SASH1: variants seen among roughly 807,000 people sequenced by gnomAD.
The protein encoded by SASH1 is SAM and SH3 domain containing 1.
Under a neutral mutation model 125.2 loss-of-function variants are expected in SASH1, and 44 were observed. The observed-to-expected ratio is 0.35, with a 90% CI of 0.28 to 0.45. SASH1 has a LOEUF of 0.45. SASH1 is among the 20% of genes least tolerant of loss of function. SASH1 has a pLI of 1.00. For missense variants in SASH1, 1,426 were observed against 1,614.5 expected (o/e 0.88, Z 2.00); for synonymous variants, 639 against 649.1 (o/e 0.98, Z 0.24).
At chr6:148,242,284 C>T in the SASH1 span, among the ~76,000 whole-genome samples, 34 of 152,120 alleles carry the variant, frequency 2.2e-4, no homozygotes, top group Non-Finnish European at 4.4e-4. Context: ...AATATGTGAA[C>T]GACTTCTCCA....
At chr6:148,205,107 A>G in the SASH1 span, among the ~76,000 whole-genome samples, 1 of 152,158 alleles carries the variant, frequency 6.6e-6, no homozygotes, top group African/African-American at 2.4e-5. Flanking sequence ...TCAGATGTCT[A>G]TTGGTCAGTC....
chr6:148,261,828 T>TAAG, the SASH1 span, among the ~76,000 whole-genome samples: 1 of 152,128 alleles, frequency 6.6e-6, no homozygotes, highest in East Asian at 1.9e-4. Flanking sequence ...GGCATGGGAA[T>TAAG]AAGAGAAAGG....
the SASH1 span, among the ~76,000 whole-genome samples, chr6:148,229,127 C>CCATCTCAA: frequency 1.7e-3 from 158 of 93,412 alleles, no homozygotes; most frequent in Non-Finnish European, 2.5e-3. Flanking sequence ...CAGCAAGACT[C>CCATCTCAA]CATCTCAAAA....
chr6:148,511,774 A>T (rs1179155354), intron 8 of SASH1, among the ~76,000 whole-genome samples: 2 of 152,144 alleles, frequency 1.3e-5, no homozygotes, highest in African/African-American at 4.8e-5. Flanking sequence ...AGTTCACTCT[A>T]GTACATATAA....
intron 1 of SASH1, among the ~76,000 whole-genome samples, chr6:148,310,641 G>A (rs762129408): frequency 6.6e-6 from 1 of 152,032 alleles, no homozygotes; most frequent in South Asian, 2.1e-4. Flanking sequence ...TTTGATAAAG[G>A]ACTTGTATCC....
Position 148,342,878 on chromosome 6 carries a change from A to G in SASH1, c.-190A>G, listed in dbSNP as rs1177110323. 1 of 271,090 alleles carries G rather than the reference A, an allele frequency of 3.7e-6. No individual in the cohort carries two copies. Among genetic ancestry groups the G allele is most frequent in the Non-Finnish European group, 5.7e-6 (1 of 176,904 alleles). The allele number at this position is 271,090 out of a possible 1,614,324, so 16.8% of individuals were successfully genotyped here. A position where few individuals can be genotyped will look rare whatever the true frequency, so the allele number is the denominator to read the frequency against. ...GTTGTCAGTCGCGCAGCCCGTGGCCACCTAGACCCGAGGTGCGGGCGCCTG... is the reference window on the plus strand; with the variant it reads ...GTTGTCAGTCGCGCAGCCCGTGGCCGCCTAGACCCGAGGTGCGGGCGCCTG... On this transcript the variant is annotated 5_prime_UTR_variant, in exon 1 of 20. Transcript: ENST00000367467.
At chr6:148,204,529 T>C in the SASH1 span, among the ~76,000 whole-genome samples, 3 of 152,006 alleles carry the variant, frequency 2.0e-5, no homozygotes, top group East Asian at 1.9e-4. Flanking sequence ...CCATTTCTAC[T>C]AAAAATACAA....
intron 12 of SASH1, among the ~76,000 whole-genome samples, chr6:148,530,022 G>C (rs757327049): frequency 2.6e-5 from 4 of 152,172 alleles, no homozygotes; most frequent in African/African-American, 9.6e-5. Context: ...GGCCAGGCTG[G>C]TCTCGAACTC....
At chr6:148,198,638 G>A in the SASH1 span, among the ~76,000 whole-genome samples, 2 of 152,238 alleles carry the variant, frequency 1.3e-5, no homozygotes, top group African/African-American at 4.8e-5. Context: ...GATGTTGTAT[G>A]TTTAGACTGA....
intron 4 of SASH1, among the ~76,000 whole-genome samples, chr6:148,454,669 T>C (rs1036951478): frequency 1.3e-5 from 2 of 152,176 alleles, no homozygotes; most frequent in African/African-American, 4.8e-5. Flanking sequence ...TTCCTGGTGA[T>C]GGGCTTTGTA....
intron 4 of SASH1, among the ~76,000 whole-genome samples, chr6:148,456,005 A>T (rs980593979): frequency 3.9e-5 from 6 of 152,112 alleles, no homozygotes; most frequent in Non-Finnish European, 7.4e-5. Context: ...ACATCCCTCC[A>T]GGGTCCTCTG....
chr6:148,326,325 T>TATATATATATATATATATATATATATGC (rs1780799310), intron 1 of SASH1, among the ~76,000 whole-genome samples: 1 of 57,212 alleles, frequency 1.7e-5, no homozygotes, highest in East Asian at 6.8e-4. Context: ...ACCGCATGCA[T>TATATATATATATATATATATATATATGC]ATATATATAT....
chr6:148,230,616 T>C, the SASH1 span, among the ~76,000 whole-genome samples: 35 of 152,242 alleles, frequency 2.3e-4, 1 homozygote, highest in African/African-American at 8.0e-4. Context: ...CCCTTTTACA[T>C]CCTCACCAGC....
the SASH1 span, among the ~76,000 whole-genome samples, chr6:148,217,342 A>C: frequency 6.6e-6 from 1 of 152,210 alleles, no homozygotes. Flanking sequence ...AAAAATCTTG[A>C]TAGGAATATT....
At chr6:148,460,759 C>G (rs113362722) in intron 4 of SASH1, among the ~76,000 whole-genome samples, 1 of 152,094 alleles carries the variant, frequency 6.6e-6, no homozygotes, top group South Asian at 2.1e-4. Context: ...ATTTTGATGT[C>G]ATGCTTAATC....
At chr6:148,342,403 G>T (rs1013938535), upstream of SASH1, among the ~76,000 whole-genome samples, 2 of 152,158 alleles carry the variant, frequency 1.3e-5, no homozygotes, top group African/African-American at 4.8e-5. Flanking sequence ...TACCAAAAGC[G>T]TTTCCGTGAA....
At chr6:148,261,316 T>C in the SASH1 span, among the ~76,000 whole-genome samples, 36 of 152,272 alleles carry the variant, frequency 2.4e-4, no homozygotes, top group African/African-American at 7.9e-4. Flanking sequence ...CGGAATTGTG[T>C]CGCTTTGACT....
At chr6:148,268,703 T>C (rs1296603611), upstream of SASH1, among the ~76,000 whole-genome samples, 3 of 152,234 alleles carry the variant, frequency 2.0e-5, no homozygotes, top group East Asian at 5.8e-4. Context: ...CCTTTCTATT[T>C]CTTGCACTGT....
intron 4 of SASH1, among the ~76,000 whole-genome samples, chr6:148,453,013 G>T (rs1777179254): frequency 6.6e-6 from 1 of 152,246 alleles, no homozygotes; most frequent in Non-Finnish European, 1.5e-5. Flanking sequence ...TATTTGAAGG[G>T]CTCAGCATTC....
Sources: allele counts gnomAD v4.1 joint callset (sites outside exome capture counted in the v4.1 genomes callset), GRCh38; gene constraint gnomAD v4.1.1; transcripts MANE v1.5; gene names NCBI Gene and HGNC (gene_info 2026-07-23, HGNC 2026-07-21).